The following MLLT10 variants were observed in gnomAD, a reference collection of about 807,000 sequenced individuals.
The protein encoded by MLLT10 is MLLT10 histone lysine methyltransferase DOT1L cofactor, also known as protein AF-10.
MLLT10 carries 30 observed loss-of-function variants against 129.1 expected under a neutral mutation model. The observed-to-expected ratio is 0.23, with a 90% CI of 0.17 to 0.32. MLLT10 has a LOEUF of 0.32. Ranked by LOEUF, MLLT10 falls within the 10% of genes least tolerant of loss-of-function variation. MLLT10 has a pLI of 1.00. For missense variants in MLLT10, 1,119 were observed against 1,268.3 expected, an observed-to-expected ratio of 0.88 and a Z score of 1.79; for synonymous variants, 490 against 446.4, an observed-to-expected ratio of 1.10 and a Z score of -1.23.
intron 3 of MLLT10, chr10:21,564,462 T>G (rs1470551408): frequency 6.6e-6 from 1 of 152,072 alleles, no homozygotes; most frequent in East Asian, 1.9e-4. Context: ...GTATCTTTTT[T>G]TTTTTTCTTT....
At chr10:21,544,904 G>A (rs542557326) in intron 3 of MLLT10, among the ~76,000 whole-genome samples, 1 of 152,336 alleles carries the variant, frequency 6.6e-6, no homozygotes, top group South Asian at 2.1e-4. Flanking sequence ...CCAGGACTTC[G>A]GGAGGCCGAG....
At chr10:21,676,224 T>C (rs1287364770) in intron 11 of MLLT10, among the ~76,000 whole-genome samples, 1 of 150,840 alleles carries the variant, frequency 6.6e-6, no homozygotes, top group Non-Finnish European at 1.5e-5. Flanking sequence ...GGTCAGGAGA[T>C]GGAGACCACG....
intron 3 of MLLT10, among the ~76,000 whole-genome samples, chr10:21,574,483 G>T (rs560194055): frequency 2.0e-5 from 3 of 152,164 alleles, no homozygotes; most frequent in African/African-American, 7.2e-5. Context: ...AATTTGAGGC[G>T]GATTCATAGA....
At chr10:21,664,089 T>A (rs977189200) in intron 9 of MLLT10, among the ~76,000 whole-genome samples, 3 of 152,152 alleles carry the variant, frequency 2.0e-5, no homozygotes, top group African/African-American at 7.2e-5. Flanking sequence ...TTTATTTAGT[T>A]AAAAAATGCT....
At chr10:21,686,874 T>C (rs1049966228) in intron 13 of MLLT10, among the ~76,000 whole-genome samples, 6 of 151,924 alleles carry the variant, frequency 3.9e-5, no homozygotes, top group Non-Finnish European at 5.9e-5. Flanking sequence ...CCCTGCTACT[T>C]GGGAGGCTGA....
chr10:21,732,781 CTT>C (rs1196161237), intron 17 of MLLT10, 116 bp from the exon 18 acceptor site: 6 of 793,882 alleles, frequency 7.6e-6, no homozygotes, highest in African/African-American at 1.8e-5. Flanking sequence ...TTTAGAAACA[CTT>C]TACAGAATTT....
intron 3 of MLLT10, among the ~76,000 whole-genome samples, chr10:21,559,719 G>A (rs538318093): frequency 5.9e-5 from 9 of 152,134 alleles, no homozygotes; most frequent in Middle Eastern, 6.8e-3. Context: ...TCTTTTGTAC[G>A]TAGCTTATTT....
At chr10:21,540,703 T>C (rs193079988) in intron 3 of MLLT10, among the ~76,000 whole-genome samples, 13 of 152,344 alleles carry the variant, frequency 8.5e-5, no homozygotes, top group Admixed American at 4.6e-4. Context: ...ATTATATTTA[T>C]TGATTTATTA....
chr10:21,536,182 C>G (rs2033964216), intron 2 of MLLT10, among the ~76,000 whole-genome samples: 1 of 152,220 alleles, frequency 6.6e-6, no homozygotes, highest in South Asian at 2.1e-4. Flanking sequence ...CTCAGGTGAT[C>G]CTCTTGCCTC....
intron 5 of MLLT10, among the ~76,000 whole-genome samples, chr10:21,602,068 C>T (rs1199198145): frequency 2.6e-5 from 4 of 152,166 alleles, no homozygotes; most frequent in African/African-American, 9.7e-5. Flanking sequence ...GACTCAATGT[C>T]TCAGTCCTAA....
chr10:21,556,547 C>T (rs1319606934), intron 3 of MLLT10: 4 of 892,432 alleles, frequency 4.5e-6, no homozygotes, highest in South Asian at 1.8e-5. Context: ...CATTTACCCT[C>T]TCTAGGAAAT....
At chr10:21,547,544 A>T in intron 3 of MLLT10, among the ~76,000 whole-genome samples, 1 of 146,362 alleles carries the variant, frequency 6.8e-6, no homozygotes, top group African/African-American at 2.5e-5. Context: ...TTTTTTGGTG[A>T]TAGAGTCTCA....
chr10:21,543,331 G>T (rs913274622), intron 3 of MLLT10, among the ~76,000 whole-genome samples: 3 of 152,058 alleles, frequency 2.0e-5, no homozygotes, highest in Non-Finnish European at 2.9e-5. Flanking sequence ...ATTTTGGCCA[G>T]GCTGGTCTCG....
chr10:21,556,882 T>G (rs1314715541), intron 3 of MLLT10: 1 of 1,551,198 alleles, frequency 6.4e-7, no homozygotes, highest in Non-Finnish European at 8.7e-7. Context: ...TTTTTTATAT[T>G]TATGGCTTTA....
rs551025769 is a variant in MLLT10, at chr10:21,660,747, G to A, written c.795+8979G>A. ...AAATTAGCTGGGTATGGTGCCGGACGCCTGTAATCCCAGCTACTCAGGAGG... is the reference window on the plus strand; with the variant it reads ...AAATTAGCTGGGTATGGTGCCGGACACCTGTAATCCCAGCTACTCAGGAGG... On this transcript the variant is annotated intron_variant, in intron 9 of 22. Coordinates refer to ENST00000307729, the MANE Select transcript of MLLT10 (RefSeq NM_001195626.3). Among the ~76,000 whole-genome samples, 250 of 150,762 alleles carry A rather than the reference G, an allele frequency of 1.7e-3. 1 individual carries two copies. The highest frequency in any genetic ancestry group is 3.0e-3 in the Non-Finnish European group (201 of 67,742).
intron 11 of MLLT10, among the ~76,000 whole-genome samples, chr10:21,675,265 A>G (rs933844903): frequency 6.6e-6 from 1 of 152,180 alleles, no homozygotes; most frequent in African/African-American, 2.4e-5. Context: ...GGATTTATCA[A>G]TCTTAGCGTT....
At chr10:21,549,726 G>A (rs1018451569) in intron 3 of MLLT10, among the ~76,000 whole-genome samples, 2 of 148,668 alleles carry the variant, frequency 1.3e-5, no homozygotes, top group Admixed American at 1.4e-4. Context: ...CAGTGGCCGC[G>A]ATCCTCTACT....
At chr10:21,546,717 G>A (rs1453937332) in intron 3 of MLLT10, among the ~76,000 whole-genome samples, 3 of 151,350 alleles carry the variant, frequency 2.0e-5, no homozygotes, top group Middle Eastern at 3.4e-3. Context: ...GCAGGTGCCC[G>A]CCACTGTGCC....
intron 8 of MLLT10, among the ~76,000 whole-genome samples, chr10:21,623,274 T>A (rs1241398697): frequency 6.6e-6 from 1 of 152,170 alleles, no homozygotes; most frequent in Admixed American, 6.5e-5. Context: ...GACTTAAGGT[T>A]CCAAATCTCT....
Sources: allele counts gnomAD v4.1 joint callset (sites outside exome capture counted in the v4.1 genomes callset), GRCh38; gene constraint gnomAD v4.1.1; transcripts MANE v1.5; gene names NCBI Gene and HGNC (gene_info 2026-07-23, HGNC 2026-07-21).